Variants in FSTL4 observed in about 807,000 individuals in gnomAD.
FSTL4 encodes follistatin like 4, also known as follistatin-related protein 4.
In FSTL4, 28 loss-of-function variants were observed where a neutral mutation model predicts 78.2. The observed-to-expected ratio is 0.36, with a 90% confidence interval of 0.27 to 0.49. FSTL4 has a LOEUF of 0.49. Among genes scored for constraint, FSTL4 ranks in the 20% least tolerant of loss-of-function variants. The probability of loss-of-function intolerance (pLI) is 0.98; values close to 1 mark genes in which losing one functional copy is unlikely to be tolerated. For missense variants in FSTL4, 922 were observed against 1,084.9 expected (o/e 0.85, Z 2.11); for synonymous variants, 422 against 440.5 (o/e 0.96, Z 0.53).
chr5:133,379,201 T>G (rs1019227877), intron 4 of FSTL4, among the ~76,000 whole-genome samples: 1 of 152,066 alleles, frequency 6.6e-6, no homozygotes, highest in African/African-American at 2.4e-5. Flanking sequence ...GCTAATCAAT[T>G]TGAAAGATTT....
intron 7 of FSTL4, among the ~76,000 whole-genome samples, chr5:133,237,005 A>G (rs1341172988): frequency 3.3e-5 from 5 of 152,174 alleles, no homozygotes; most frequent in Admixed American, 3.3e-4. Context: ...CTCAAAAAAT[A>G]GCTGTCGAGG....
intron 3 of FSTL4, among the ~76,000 whole-genome samples, chr5:133,528,234 T>C (rs1759175953): frequency 6.6e-6 from 1 of 152,228 alleles, no homozygotes; most frequent in Non-Finnish European, 1.5e-5. Flanking sequence ...AGCTGCCCAT[T>C]AGGCCTCACT....
rs938255878 is a variant in FSTL4, at chr5:133,418,954, T to C, written c.161-17968A>G. 2.0e-5 allele frequency among the ~76,000 whole-genome samples: 3 copies of C among 152,326 alleles called. No individual in the cohort carries two copies. In the East Asian group the frequency reaches 5.8e-4, roughly 29 times the overall value. ...TCTGGCTTTTGTCATCAGACATTAG[T>C]TTGGATTTCCTATAATTTTATATAA... On this transcript the variant is annotated intron_variant, in intron 3 of 15. Coordinates refer to ENST00000265342, the MANE Select transcript of FSTL4 (RefSeq NM_015082.2).
chr5:133,823,702 C>G, the FSTL4 span, among the ~76,000 whole-genome samples: 2 of 152,200 alleles, frequency 1.3e-5, no homozygotes, highest in African/African-American at 2.4e-5. Context: ...CCACTCCCCT[C>G]TCTTGTCTCA....
the FSTL4 span, among the ~76,000 whole-genome samples, chr5:133,814,336 T>C: frequency 6.6e-6 from 1 of 152,166 alleles, no homozygotes; most frequent in African/African-American, 2.4e-5. Flanking sequence ...CTTCCAGTGC[T>C]CAGCATAACA....
intron 4 of FSTL4, among the ~76,000 whole-genome samples, chr5:133,323,380 G>T (rs993086053): frequency 6.6e-6 from 1 of 152,240 alleles, no homozygotes; most frequent in Non-Finnish European, 1.5e-5. Flanking sequence ...TTCTCTTGGT[G>T]AGATGGGCTC....
At chr5:133,276,782 T>C (rs576246202) in intron 6 of FSTL4, among the ~76,000 whole-genome samples, 1 of 152,344 alleles carries the variant, frequency 6.6e-6, no homozygotes, top group South Asian at 2.1e-4. Context: ...ATAGGACCAT[T>C]ATTTATAATT....
the FSTL4 span, among the ~76,000 whole-genome samples, chr5:133,753,497 G>A: frequency 9.2e-5 from 14 of 152,186 alleles, no homozygotes; most frequent in South Asian, 2.1e-3. Flanking sequence ...TTGGCCACTC[G>A]ATGAGCTGGA....
intron 14 of FSTL4, among the ~76,000 whole-genome samples, chr5:133,205,048 A>C (rs549721468): frequency 1.6e-4 from 24 of 152,272 alleles, no homozygotes; most frequent in African/African-American, 5.8e-4. Context: ...TGAGAAGGGA[A>C]GCATCATGCT....
intron 4 of FSTL4, among the ~76,000 whole-genome samples, chr5:133,343,206 G>A (rs181982132): frequency 6.6e-6 from 1 of 152,352 alleles, no homozygotes; most frequent in Non-Finnish European, 1.5e-5. Flanking sequence ...AGCAACTCTG[G>A]AAGAAGAGAG....
chr5:133,748,011 A>G, the FSTL4 span, among the ~76,000 whole-genome samples: 1 of 152,100 alleles, frequency 6.6e-6, no homozygotes, highest in East Asian at 1.9e-4. Context: ...CCTGGCCAAC[A>G]TGGTGAAACC....
intron 3 of FSTL4, among the ~76,000 whole-genome samples, chr5:133,495,712 T>G (rs1357567655): frequency 1.3e-5 from 2 of 152,144 alleles, no homozygotes; most frequent in Non-Finnish European, 2.9e-5. Context: ...GAGGCAACCT[T>G]GTGTAAACTA....
chr5:133,239,735 T>C (rs1007157665), intron 7 of FSTL4, among the ~76,000 whole-genome samples: 7 of 152,220 alleles, frequency 4.6e-5, no homozygotes, highest in Non-Finnish European at 8.8e-5. Flanking sequence ...ATCGGCACTC[T>C]GTATCTAGAT....
At chr5:133,500,167 T>A (rs1248286954) in intron 3 of FSTL4, among the ~76,000 whole-genome samples, 5 of 152,160 alleles carry the variant, frequency 3.3e-5, no homozygotes, top group Admixed American at 2.0e-4. Flanking sequence ...TGGCTCACCA[T>A]CCTCCTCTTC....
intron 7 of FSTL4, among the ~76,000 whole-genome samples, chr5:133,239,727 C>T (rs200060816): frequency 5.3e-5 from 8 of 152,270 alleles, no homozygotes; most frequent in South Asian, 2.1e-4. Context: ...ATGCACCAAT[C>T]GGCACTCTGT....
chr5:133,686,454 G>A, the FSTL4 span, among the ~76,000 whole-genome samples: 6,667 of 152,318 alleles, frequency 0.044, 476 homozygotes, highest in African/African-American at 0.15. Context: ...AGAGTTACAC[G>A]AATCAGTCAG....
At chr5:133,612,869 C>G (rs1761134073), upstream of FSTL4, among the ~76,000 whole-genome samples, 1 of 152,208 alleles carries the variant, frequency 6.6e-6, no homozygotes, top group African/African-American at 2.4e-5. This position sits in a 1 kb window ranked among gnomAD's most constrained non-coding sequence, Gnocchi z 6.2. Context: ...CACAGGGGGT[C>G]TCTGAATCCG....
chr5:133,681,596 A>T, the FSTL4 span, among the ~76,000 whole-genome samples: 3 of 152,368 alleles, frequency 2.0e-5, no homozygotes, highest in South Asian at 4.1e-4. Flanking sequence ...GACAATTGTC[A>T]TTGATAATGT....
the FSTL4 span, among the ~76,000 whole-genome samples, chr5:133,695,238 G>A: frequency 3.3e-5 from 5 of 152,026 alleles, no homozygotes; most frequent in Non-Finnish European, 7.4e-5. Flanking sequence ...ATGAAGCTTC[G>A]CTAGCACATT....
Sources: allele counts gnomAD v4.1 joint callset (sites outside exome capture counted in the v4.1 genomes callset), GRCh38; gene constraint gnomAD v4.1.1; non-coding constraint Gnocchi (gnomAD v3.1); transcripts MANE v1.5; gene names NCBI Gene and HGNC (gene_info 2026-07-23, HGNC 2026-07-21).